The following PEBP4 variants were observed in gnomAD, a reference collection of about 807,000 sequenced individuals.
The protein encoded by PEBP4 is phosphatidylethanolamine binding protein 4.
In PEBP4, 22 loss-of-function variants were observed where a neutral mutation model predicts 23.9. That is an observed-to-expected ratio of 0.92 (90% CI 0.66 to 1.31). The LOEUF (loss-of-function observed/expected upper bound fraction) is 1.31. Ranked by LOEUF, PEBP4 falls within the 40% of genes most tolerant of loss-of-function variation. The pLI is 0.00. For synonymous variants in PEBP4, 112 were observed against 99.3 expected (o/e 1.13, Z -0.76); for missense variants, 324 against 281.7 (o/e 1.15, Z -1.07).
At chr8:22,898,209 T>C (rs7823611) in intron 3 of PEBP4, among the ~76,000 whole-genome samples, 26,301 of 151,510 alleles carry the variant, frequency 0.17, 3,170 homozygotes, top group African/African-American at 0.34. Context: ...TTGGCCAATA[T>C]GGTGAAACCC....
intron 4 of PEBP4, among the ~76,000 whole-genome samples, chr8:22,736,405 G>T (rs545742667): frequency 1.2e-4 from 18 of 152,274 alleles, no homozygotes; most frequent in Admixed American, 7.2e-4. Context: ...AGGAGTTGCA[G>T]AGCAGCCTGG....
chr8:22,904,623 C>G (rs1035331229), intron 3 of PEBP4, among the ~76,000 whole-genome samples: 81 of 152,202 alleles, frequency 5.3e-4, no homozygotes, highest in African/African-American at 1.8e-3. Context: ...AGTCTCAACA[C>G]TCAAGGAGAT....
chr8:22,906,460 G>A (rs1417039636), intron 3 of PEBP4, among the ~76,000 whole-genome samples: 1 of 152,120 alleles, frequency 6.6e-6, no homozygotes, highest in African/African-American at 2.4e-5. Flanking sequence ...CAGGGATAAA[G>A]TATTTCCTTC....
intron 6 of PEBP4, among the ~76,000 whole-genome samples, chr8:22,714,629 G>T (rs1328487207): frequency 6.6e-6 from 1 of 151,962 alleles, no homozygotes; most frequent in African/African-American, 2.4e-5. Context: ...GCTAGGCAGT[G>T]GTCGATACAC....
At chr8:22,797,363 G>A (rs182640322) in intron 4 of PEBP4, among the ~76,000 whole-genome samples, 240 of 151,858 alleles carry the variant, frequency 1.6e-3, no homozygotes, top group Middle Eastern at 0.014. Flanking sequence ...AAAAGGGGCC[G>A]AGGTGATCAT....
intron 3 of PEBP4, among the ~76,000 whole-genome samples, chr8:22,902,045 G>A (rs1037563911): frequency 5.3e-5 from 8 of 152,096 alleles, no homozygotes; most frequent in African/African-American, 1.2e-4. Context: ...TTAGCCGGGC[G>A]CAGTGGCTCA....
At chr8:22,864,019 T>C (rs770018305) in intron 3 of PEBP4, among the ~76,000 whole-genome samples, 14 of 152,188 alleles carry the variant, frequency 9.2e-5, no homozygotes, top group Non-Finnish European at 2.9e-5. Flanking sequence ...GCCACCAGAA[T>C]GATCTACTTA....
At chr8:22,818,373 A>C (rs796677177) in intron 3 of PEBP4, among the ~76,000 whole-genome samples, 54 of 152,352 alleles carry the variant, frequency 3.5e-4, no homozygotes, top group African/African-American at 1.3e-3. Flanking sequence ...TGAAAATAAA[A>C]CAGGGTGGGA....
chr8:22,912,863 T>C (rs562415112), intron 3 of PEBP4, among the ~76,000 whole-genome samples: 1 of 152,230 alleles, frequency 6.6e-6, no homozygotes, highest in African/African-American at 2.4e-5. Context: ...GGACAAAGGA[T>C]AAAATGACCT....
intron 3 of PEBP4, among the ~76,000 whole-genome samples, chr8:22,861,007 T>C (rs1807769645): frequency 1.3e-5 from 2 of 152,232 alleles, no homozygotes; most frequent in African/African-American, 2.4e-5. Context: ...ATATTCAACA[T>C]AGAAAATGCT....
intron 3 of PEBP4, among the ~76,000 whole-genome samples, chr8:22,909,070 G>T: frequency 6.6e-6 from 1 of 152,160 alleles, no homozygotes; most frequent in East Asian, 1.9e-4. Context: ...TTCACTCCTG[G>T]GTGACCTGCC....
chr8:22,745,411 G>T (rs1805091435), intron 4 of PEBP4, among the ~76,000 whole-genome samples: 1 of 152,174 alleles, frequency 6.6e-6, no homozygotes, highest in Non-Finnish European at 1.5e-5. Flanking sequence ...CAGAGGCTGG[G>T]GCCCCATGGC....
At chr8:22,821,338 A>G (rs1182613824) in intron 3 of PEBP4, among the ~76,000 whole-genome samples, 2 of 152,204 alleles carry the variant, frequency 1.3e-5, no homozygotes, top group African/African-American at 4.8e-5. Flanking sequence ...TTCAAATAGT[A>G]GTAATAGAAA....
At chr8:22,823,470 G>A (rs1282947227) in intron 3 of PEBP4, among the ~76,000 whole-genome samples, 1 of 151,740 alleles carries the variant, frequency 6.6e-6, no homozygotes, top group South Asian at 2.1e-4. Context: ...AAATATACTA[G>A]TATGTGAAAT....
chr8:22,824,753 A>G (rs545997385), intron 3 of PEBP4, among the ~76,000 whole-genome samples: 3 of 152,280 alleles, frequency 2.0e-5, no homozygotes, highest in Admixed American at 6.5e-5. Context: ...ACAGTTCGCA[A>G]TAGGGTTTGT....
At position 22,865,260 on chromosome 8, in the gene PEBP4, A is replaced by G. The variant is rs1008261519; in HGVS notation, c.259-47525T>C. On this transcript the variant is annotated intron_variant, in intron 3 of 6. Coordinates refer to ENST00000256404, the MANE Select transcript of PEBP4 (RefSeq NM_144962.3). This position sits in a 1 kb window ranked among gnomAD's most constrained non-coding sequence, Gnocchi z 6.9. ...GAGGGAAGGTGTTTTTGCGAAAATGACAAAACAACTCCTTGCTCAGGGCAG... is the reference window on the plus strand; with the variant it reads ...GAGGGAAGGTGTTTTTGCGAAAATGGCAAAACAACTCCTTGCTCAGGGCAG... Among the ~76,000 whole-genome samples, 20 of 152,224 alleles carry G rather than the reference A, an allele frequency of 1.3e-4. No homozygotes were observed. The highest frequency in any genetic ancestry group is 2.5e-4 in the Non-Finnish European group (17 of 67,984).
At chr8:22,725,005 G>C (rs762226190) in intron 5 of PEBP4, 49 bp from the exon 6 acceptor site, 2 of 1,487,790 alleles carry the variant, frequency 1.3e-6, no homozygotes, top group East Asian at 4.5e-5. Flanking sequence ...CCATACTACC[G>C]AGGGCAGAGC....
chr8:22,876,704 A>G (rs1808129570), intron 3 of PEBP4, among the ~76,000 whole-genome samples: 1 of 152,246 alleles, frequency 6.6e-6, no homozygotes, highest in Non-Finnish European at 1.5e-5. Flanking sequence ...GAAGTGTAAA[A>G]TTAGAAGTAA....
intron 4 of PEBP4, among the ~76,000 whole-genome samples, chr8:22,736,230 A>G (rs1362818175): frequency 1.3e-5 from 2 of 152,094 alleles, no homozygotes; most frequent in African/African-American, 4.8e-5. Context: ...CATTCTCTGG[A>G]TGGGGTTCCG....
Sources: allele counts gnomAD v4.1 joint callset (sites outside exome capture counted in the v4.1 genomes callset), GRCh38; gene constraint gnomAD v4.1.1; non-coding constraint Gnocchi (gnomAD v3.1); transcripts MANE v1.5; gene names NCBI Gene and HGNC (gene_info 2026-07-23, HGNC 2026-07-21).